Variants in CDH19 observed in about 807,000 individuals in gnomAD.
CDH19 encodes the protein cadherin 19, also known as cadherin-19.
Under a neutral mutation model 64.2 loss-of-function variants are expected in CDH19, and 67 were observed. That is an observed-to-expected ratio of 1.04 (90% CI 0.86 to 1.28). CDH19 has a LOEUF of 1.28. Among genes scored for constraint, CDH19 ranks in the 50% most tolerant of loss-of-function variants. CDH19 has a pLI of 0.00. For missense variants in CDH19, 1,030 were observed against 929.0 expected, an observed-to-expected ratio of 1.11 and a Z score of -1.41; for synonymous variants, 346 against 319.3, an observed-to-expected ratio of 1.08 and a Z score of -0.89.
At chr18:66,532,270 CT>C (rs1316111198) in intron 8 of CDH19, 1 of 141,392 alleles carries the variant, frequency 7.1e-6, no homozygotes, top group Non-Finnish European at 1.5e-5. Flanking sequence ...CAGGGCCTCT[CT>C]TTTTCATAAA....
At chr18:66,575,423 G>A (rs1434299996) in intron 1 of CDH19, among the ~76,000 whole-genome samples, 1 of 151,750 alleles carries the variant, frequency 6.6e-6, no homozygotes, top group African/African-American at 2.4e-5. Flanking sequence ...AATATGAGAA[G>A]AGCATGACCT....
chr18:66,595,512 G>GAAA (rs55914622), intron 1 of CDH19, among the ~76,000 whole-genome samples: 12 of 84,116 alleles, frequency 1.4e-4, no homozygotes, highest in South Asian at 4.3e-4. Context: ...CGGCCCCACA[G>GAAA]AAAAAAAAAA....
chr18:66,583,749 G>A (rs1294293029), intron 1 of CDH19, among the ~76,000 whole-genome samples: 1 of 151,994 alleles, frequency 6.6e-6, no homozygotes, highest in Non-Finnish European at 1.5e-5. Context: ...ACAAGCAATG[G>A]GGAGAAGACT....
intron 5 of CDH19, among the ~76,000 whole-genome samples, chr18:66,550,265 T>C (rs1012032004): frequency 2.0e-5 from 3 of 152,182 alleles, no homozygotes; most frequent in East Asian, 1.9e-4. Flanking sequence ...TTACGAAGCA[T>C]ACCATGTGTT....
intron 3 of CDH19, among the ~76,000 whole-genome samples, chr18:66,564,013 T>C (rs1987816197): frequency 6.6e-6 from 1 of 151,920 alleles, no homozygotes; most frequent in Non-Finnish European, 1.5e-5. Flanking sequence ...GTTCAACTCA[T>C]GTTCCCAAAG....
chr18:66,540,573 T>C (rs1404302632), intron 7 of CDH19, among the ~76,000 whole-genome samples: 3 of 152,160 alleles, frequency 2.0e-5, no homozygotes, highest in Non-Finnish European at 4.4e-5. Context: ...AAGAGCACTC[T>C]TTCAGTTGCA....
At chr18:66,510,195 G>A (rs1446164198) in intron 10 of CDH19, among the ~76,000 whole-genome samples, 1 of 151,614 alleles carries the variant, frequency 6.6e-6, no homozygotes, top group East Asian at 1.9e-4. Flanking sequence ...TGCTTAAGTA[G>A]GACATTTCCC....
chr18:66,565,149 G>T (rs183835734), intron 3 of CDH19, among the ~76,000 whole-genome samples: 1 of 151,908 alleles, frequency 6.6e-6, no homozygotes, highest in East Asian at 1.9e-4. Context: ...TTGGATGGCA[G>T]AAAAATAGTA....
chr18:66,537,708 T>C (rs898566655), intron 7 of CDH19, among the ~76,000 whole-genome samples: 13 of 152,058 alleles, frequency 8.5e-5, no homozygotes, highest in Non-Finnish European at 1.5e-4. Flanking sequence ...ACAACAGCTC[T>C]GGATTCCAGT....
chr18:66,582,742 C>T (rs940130038), intron 1 of CDH19, among the ~76,000 whole-genome samples: 1 of 151,356 alleles, frequency 6.6e-6, no homozygotes, highest in Non-Finnish European at 1.5e-5. Flanking sequence ...ATTACACAGC[C>T]TTCCACATTC....
chr18:66,551,903 G>T (rs1987358481), intron 4 of CDH19, among the ~76,000 whole-genome samples: 1 of 151,754 alleles, frequency 6.6e-6, no homozygotes, highest in Non-Finnish European at 1.5e-5. Flanking sequence ...TCATAAGAGA[G>T]GACTCAACAT....
intron 1 of CDH19, among the ~76,000 whole-genome samples, chr18:66,602,912 C>A (rs973594302): frequency 1.3e-5 from 2 of 151,386 alleles, no homozygotes; most frequent in Non-Finnish European, 3.0e-5. Context: ...AGTAGGCATA[C>A]TGCTGATAAT....
chr18:66,590,952 G>T (rs1469874573), intron 1 of CDH19, among the ~76,000 whole-genome samples: 1 of 151,810 alleles, frequency 6.6e-6, no homozygotes, highest in Non-Finnish European at 1.5e-5. Flanking sequence ...TCTTCCTCAA[G>T]AGGATAATCA....
At chr18:66,538,334 C>T (rs930113348) in intron 7 of CDH19, among the ~76,000 whole-genome samples, 2 of 151,946 alleles carry the variant, frequency 1.3e-5, no homozygotes, top group Non-Finnish European at 1.5e-5. Flanking sequence ...TGATTTTTTT[C>T]CAGAGTTTAC....
intron 1 of CDH19, among the ~76,000 whole-genome samples, chr18:66,598,508 T>C (rs1479635663): frequency 6.6e-6 from 1 of 152,048 alleles, no homozygotes; most frequent in Non-Finnish European, 1.5e-5. Context: ...TATACAGCCA[T>C]AAAAATGAGA....
chr18:66,595,529 A>C (rs866799116), intron 1 of CDH19, among the ~76,000 whole-genome samples: 3 of 150,898 alleles, frequency 2.0e-5, no homozygotes, highest in Admixed American at 6.6e-5. Context: ...AAAAAAAAAA[A>C]AAAAACCTGA....
At chr18:66,559,011 G>T (rs558525030) in intron 3 of CDH19, among the ~76,000 whole-genome samples, 8 of 151,958 alleles carry the variant, frequency 5.3e-5, no homozygotes, top group African/African-American at 1.9e-4. Context: ...GAATCACTCC[G>T]AAGAGGTTTA....
At chr18:66,549,940 G>T (rs8094698) in intron 5 of CDH19, among the ~76,000 whole-genome samples, 29 of 152,030 alleles carry the variant, frequency 1.9e-4, no homozygotes, top group African/African-American at 7.0e-4. Context: ...ATTTCACTTG[G>T]GCCATTAAAA....
chr18:66,595,990 G>GA (rs1424767963), intron 1 of CDH19, among the ~76,000 whole-genome samples: 2 of 152,056 alleles, frequency 1.3e-5, no homozygotes, highest in Non-Finnish European at 2.9e-5. Context: ...TGTTTCCTGG[G>GA]ATGCAAGATT....
Sources: gnomAD v4.1 joint callset for allele counts (sites outside exome capture counted in the v4.1 genomes callset) on GRCh38, gnomAD v4.1.1 for gene constraint, MANE v1.5 for transcripts, NCBI Gene and HGNC (gene_info 2026-07-23, HGNC 2026-07-21) for gene names.